RBKS: variants seen among roughly 807,000 people sequenced by gnomAD.
RBKS encodes ribokinase.
A neutral mutation model predicts 33.9 loss-of-function variants in RBKS; 33 were observed. The observed-to-expected ratio is 0.97, with a 90% CI of 0.74 to 1.30. The LOEUF (loss-of-function observed/expected upper bound fraction) is 1.30, where lower values mean the gene tolerates loss of function less well. Ranked by LOEUF, RBKS falls within the 50% of genes most tolerant of loss-of-function variation. The probability of loss-of-function intolerance (pLI) is 0.00; values close to 1 mark genes in which losing one functional copy is unlikely to be tolerated. For synonymous variants in RBKS, 125 were observed against 143.0 expected (o/e 0.87, Z 0.90); for missense variants, 361 against 392.6 (o/e 0.92, Z 0.68).
At chr2:27,803,348 G>A (rs1042299624) in intron 7 of RBKS, among the ~76,000 whole-genome samples, 2 of 152,000 alleles carry the variant, frequency 1.3e-5, no homozygotes, top group African/African-American at 4.8e-5. Context: ...CCATTATGTC[G>A]CAAATGTCCA....
At chr2:27,801,961 AAAAT>A (rs1558536439) in intron 7 of RBKS, among the ~76,000 whole-genome samples, 4 of 63,880 alleles carry the variant, frequency 6.3e-5, no homozygotes, top group African/African-American at 2.5e-4. Context: ...AAAAAAAAAA[AAAAT>A]ATATATATAT....
At chr2:27,854,963 C>T (rs1663826297) in intron 2 of RBKS, among the ~76,000 whole-genome samples, 1 of 152,228 alleles carries the variant, frequency 6.6e-6, no homozygotes, top group Non-Finnish European at 1.5e-5. Context: ...TGCTGTACCA[C>T]ATCGTGCCTA....
At chr2:27,858,028 C>A (rs1663892631) in intron 2 of RBKS, among the ~76,000 whole-genome samples, 1 of 152,034 alleles carries the variant, frequency 6.6e-6, no homozygotes, top group South Asian at 2.1e-4. Context: ...ATTATTCAAC[C>A]ACAAAAAGGA....
chr2:27,811,299 G>T (rs990636537), intron 7 of RBKS, among the ~76,000 whole-genome samples: 3 of 152,164 alleles, frequency 2.0e-5, no homozygotes, highest in African/African-American at 7.2e-5. Context: ...GCTCTTTGTG[G>T]CCAGGGACTG....
chr2:27,819,177 T>G lies in RBKS; in HGVS notation c.795+8390A>C, dbSNP rs560107442. Among the ~76,000 whole-genome samples, 167 of 152,232 alleles carry G rather than the reference T, an allele frequency of 1.1e-3. 1 individual carries two copies. Among genetic ancestry groups the G allele is most frequent in the African/African-American group, 4.0e-3 (165 of 41,532 alleles). ...TCTCACAGTTCTGGAGGCTGGGAAG[T>G]CCAAGATCAAGGTACTGGCAAAGTA... On this transcript the variant is annotated intron_variant, in intron 7 of 7. Transcript: ENST00000302188.
intron 1 of RBKS, among the ~76,000 whole-genome samples, chr2:27,869,453 G>A (rs1007527463): frequency 6.6e-6 from 1 of 152,156 alleles, no homozygotes; most frequent in African/African-American, 2.4e-5. Flanking sequence ...TATGAATATA[G>A]TTAACTTAAG....
Position 27,837,219 on chromosome 2 carries a change from A to T in RBKS, c.515-4442T>A, listed in dbSNP as rs1678544189. Reference sequence around the variant, plus strand: ...AATCTGGGAGGTGGAGCTTGCAGTGAGCCGAGATCGTGCCACTGCACTCCA... The same window carrying T: ...AATCTGGGAGGTGGAGCTTGCAGTGTGCCGAGATCGTGCCACTGCACTCCA... On this transcript the variant is annotated intron_variant, in intron 5 of 7. Coordinates refer to ENST00000302188, the MANE Select transcript of RBKS (RefSeq NM_022128.3). The surrounding 1 kb of genome is among the most constrained non-coding windows in gnomAD (Gnocchi z 4.0). 1.3e-5 allele frequency among the ~76,000 whole-genome samples: 2 copies of T among 152,062 alleles called. No individual in the cohort carries two copies. Among genetic ancestry groups the T allele is most frequent in the South Asian group, 4.1e-4 (2 of 4,830 alleles).
intron 1 of RBKS, among the ~76,000 whole-genome samples, chr2:27,865,648 A>C (rs1357631072): frequency 2.0e-5 from 3 of 150,018 alleles, no homozygotes; most frequent in South Asian, 2.1e-4. Context: ...TCCTGGCCTA[A>C]AGTGAGCCTC....
chr2:27,844,214 T>A (rs1663570469), intron 4 of RBKS, among the ~76,000 whole-genome samples: 1 of 147,546 alleles, frequency 6.8e-6, no homozygotes. Flanking sequence ...GACCTGAGAT[T>A]GTGTCATTGC....
intron 1 of RBKS, among the ~76,000 whole-genome samples, chr2:27,875,662 G>C (rs889182284): frequency 3.3e-5 from 5 of 152,192 alleles, no homozygotes; most frequent in Non-Finnish European, 7.3e-5. Flanking sequence ...AGTGTTCAAA[G>C]AAGTTCATCA....
intron 1 of RBKS, among the ~76,000 whole-genome samples, chr2:27,862,934 G>A (rs1422793566): frequency 5.9e-5 from 9 of 151,630 alleles, no homozygotes; most frequent in South Asian, 2.1e-4. Context: ...ATTATGTTCA[G>A]GTTCAAGAAA....
At chr2:27,856,571 G>T (rs1270894943) in intron 2 of RBKS, among the ~76,000 whole-genome samples, 1 of 152,022 alleles carries the variant, frequency 6.6e-6, no homozygotes, top group Non-Finnish European at 1.5e-5. Flanking sequence ...ATAATCTTAG[G>T]GTTGGAAGAG....
chr2:27,843,044 G>A (rs202192490), intron 5 of RBKS, 23 bp downstream of exon 5: 2 of 1,525,350 alleles, frequency 1.3e-6, no homozygotes, highest in East Asian at 4.7e-5. Flanking sequence ...TTTATAGAAA[G>A]AATGACAAAT....
At chr2:27,811,832 G>A (rs1677991624) in intron 7 of RBKS, among the ~76,000 whole-genome samples, 1 of 152,072 alleles carries the variant, frequency 6.6e-6, no homozygotes, top group South Asian at 2.1e-4. Context: ...GGGTTTTAAT[G>A]GCCATGTTTG....
chr2:27,817,102 C>T (rs953884151), intron 7 of RBKS, among the ~76,000 whole-genome samples: 1 of 152,188 alleles, frequency 6.6e-6, no homozygotes, highest in Non-Finnish European at 1.5e-5. Context: ...AAACTAGTTA[C>T]TTTCCCAGAA....
chr2:27,838,434 T>A (rs188096205), intron 5 of RBKS, among the ~76,000 whole-genome samples: 44 of 152,296 alleles, frequency 2.9e-4, no homozygotes, highest in Non-Finnish European at 5.3e-4. Flanking sequence ...AGGTACCAAT[T>A]GCTAGAATAA....
At chr2:27,847,824 T>C (rs1663651662) in intron 3 of RBKS, among the ~76,000 whole-genome samples, 1 of 152,256 alleles carries the variant, frequency 6.6e-6, no homozygotes, top group Non-Finnish European at 1.5e-5. Flanking sequence ...TGAAGGTTTG[T>C]AACCTCCTAT....
chr2:27,860,144 A>G (rs867108158), intron 1 of RBKS, among the ~76,000 whole-genome samples: 97 of 152,040 alleles, frequency 6.4e-4, no homozygotes, highest in African/African-American at 2.2e-3. Context: ...AGTACTGATG[A>G]AAAAAAATAT....
At chr2:27,784,211 C>T (rs1177962552) in intron 7 of RBKS, among the ~76,000 whole-genome samples, 1 of 151,742 alleles carries the variant, frequency 6.6e-6, no homozygotes, top group Non-Finnish European at 1.5e-5. Context: ...TCTCGATCTC[C>T]TGACCTCGTG....
Sources: gnomAD v4.1 joint callset for allele counts (sites outside exome capture counted in the v4.1 genomes callset) on GRCh38, gnomAD v4.1.1 for gene constraint, Gnocchi (gnomAD v3.1) non-coding constraint, MANE v1.5 for transcripts, NCBI Gene and HGNC (gene_info 2026-07-23, HGNC 2026-07-21) for gene names.